Variants in UBE4B observed in about 807,000 individuals in gnomAD.
The protein encoded by UBE4B is ubiquitin conjugation factor E4 B.
Under a neutral mutation model 148.1 loss-of-function variants are expected in UBE4B, and 27 were observed. The observed-to-expected ratio is 0.18, with a 90% CI of 0.13 to 0.25. UBE4B has a LOEUF of 0.25. Among genes scored for constraint, UBE4B ranks in the 10% least tolerant of loss-of-function variants. The pLI is 1.00. For missense variants in UBE4B, 1,170 were observed against 1,662.4 expected (o/e 0.70, Z 5.15); for synonymous variants, 596 against 619.3 (o/e 0.96, Z 0.56).
intron 25 of UBE4B, among the ~76,000 whole-genome samples, chr1:10,173,928 G>A (rs796719704): frequency 4.7e-4 from 72 of 152,314 alleles, no homozygotes; most frequent in African/African-American, 1.6e-3. Flanking sequence ...GCATTGCCTG[G>A]TCATGCCTTA....
intron 15 of UBE4B, 40 bp from the exon 16 acceptor site, chr1:10,134,948 T>C: frequency 6.3e-7 from 1 of 1,592,686 alleles, no homozygotes; most frequent in Admixed American, 1.7e-5. Flanking sequence ...AAAAATTTTT[T>C]TTAATGTTTA....
intron 23 of UBE4B, among the ~76,000 whole-genome samples, chr1:10,167,887 C>T (rs745924672): frequency 6.6e-6 from 1 of 152,138 alleles, no homozygotes; most frequent in Non-Finnish European, 1.5e-5. Flanking sequence ...CCACGCCCGG[C>T]AGATGGTGAC....
At position 10,130,112 on chromosome 1, in the gene UBE4B, C is replaced by G. The variant is rs185266660; in HGVS notation, c.1696-388C>G. 2.4e-3 allele frequency among the ~76,000 whole-genome samples: 368 copies of G among 152,304 alleles called. 3 individuals are homozygous for G. The highest frequency in any genetic ancestry group is 8.4e-3 in the African/African-American group (350 of 41,566). On this transcript the variant is annotated intron_variant, in intron 12 of 27. Coordinates refer to ENST00000343090, the MANE Select transcript of UBE4B (RefSeq NM_001105562.3). ...TTTTTGAGACAGAGTCTCACTCTGTCACCCAGGCTGGAGCGCAGTGGCGCA... is the reference window on the plus strand; with the variant it reads ...TTTTTGAGACAGAGTCTCACTCTGTGACCCAGGCTGGAGCGCAGTGGCGCA...
chr1:10,164,738 C>T (rs1646221095), intron 23 of UBE4B, among the ~76,000 whole-genome samples: 1 of 152,170 alleles, frequency 6.6e-6, no homozygotes, highest in Non-Finnish European at 1.5e-5. Flanking sequence ...GCTGTTCCTG[C>T]TCATCTCCCT....
At chr1:10,060,379 CAGTG>C (rs1168119179) in intron 1 of UBE4B, among the ~76,000 whole-genome samples, 1 of 152,066 alleles carries the variant, frequency 6.6e-6, no homozygotes, top group African/African-American at 2.4e-5. Context: ...TGTACAATAA[CAGTG>C]AGTTTTTGTG....
intron 26 of UBE4B, chr1:10,179,133 GT>G: frequency 2.1e-6 from 1 of 485,138 alleles, no homozygotes; most frequent in Non-Finnish European, 3.6e-6. Context: ...CCAGCCTGCC[GT>G]CCTCGCCACG....
At chr1:10,108,938 C>G (rs1645167314) in intron 7 of UBE4B, among the ~76,000 whole-genome samples, 1 of 152,144 alleles carries the variant, frequency 6.6e-6, no homozygotes, top group Admixed American at 6.6e-5. Context: ...TTCTCTCTCC[C>G]TGGCCTATTT....
chr1:10,069,094 A>G (rs1002397345), intron 1 of UBE4B, among the ~76,000 whole-genome samples: 1 of 152,178 alleles, frequency 6.6e-6, no homozygotes, highest in African/African-American at 2.4e-5. Flanking sequence ...CTTCAACCGC[A>G]TATTATAGTG....
chr1:10,102,956 C>G lies in UBE4B; in HGVS notation c.444C>G (p.Ser148=). 6.2e-7 allele frequency: 1 copy of G among 1,604,886 alleles called. No individual in the cohort carries two copies. The highest frequency in any genetic ancestry group is 8.5e-7 in the Non-Finnish European group (1 of 1,173,706). Residue 148 remains serine, a synonymous_variant, in exon 5 of 28, where the codon TCC becomes TCG. Transcript: ENST00000343090. ...ATCTTCTTCTTCACCAGGAGCCTTC[C>G]TCGGGCCCTGAAGTGTCTGAAGAGC... ...EKRSLSDKEP[S]SGPEVSEEQA... is the part of the protein sequence containing the mutation.
intron 1 of UBE4B, among the ~76,000 whole-genome samples, chr1:10,035,336 G>A (rs919371553): frequency 7.2e-6 from 1 of 139,482 alleles, no homozygotes; most frequent in African/African-American, 2.7e-5. Flanking sequence ...TACCTCCCCC[G>A]TTTTTCATTA....
intron 7 of UBE4B, chr1:10,107,228 C>T (rs1451738234): frequency 2.2e-5 from 29 of 1,289,418 alleles, no homozygotes; most frequent in East Asian, 5.5e-5. Flanking sequence ...GTAGTATGTA[C>T]GACAATCCTT....
intron 7 of UBE4B, among the ~76,000 whole-genome samples, chr1:10,107,866 CTG>C (rs1645143736): frequency 1.3e-5 from 2 of 152,280 alleles, no homozygotes; most frequent in Middle Eastern, 3.4e-3. Context: ...GAGTGAGTCA[CTG>C]TGTCTGGCCC....
At chr1:10,104,111 A>G (rs1455959952) in intron 5 of UBE4B, among the ~76,000 whole-genome samples, 1 of 152,254 alleles carries the variant, frequency 6.6e-6, no homozygotes, top group Admixed American at 6.5e-5. Context: ...AGGGATCCTG[A>G]GAGAAGTGTT....
At position 10,171,298 on chromosome 1, in the gene UBE4B, C is replaced by T; in HGVS notation, c.3494C>T (p.Ala1165Val). ...GATATTTACTTACAGCTGGACTGTG[C>T]TCGGTTCGCGAAAGCCATTGCTGAC... The part of the protein sequence containing the change: ...LTDIYLQLDC[A>V]RFAKAIADDQ... The change falls in exon 25 of 28, where the codon GCT becomes GTT. Residue 1165 changes from alanine (A) to valine (V), a missense_variant. Ala to Val is a moderately conservative substitution (Grantham distance 64). This residue lies in a region of UBE4B where 348 missense variants were observed against 627.2 expected (regional missense o/e 0.55). Transcript: ENST00000343090. The T allele has an allele frequency of 6.2e-7, 1 of 1,613,950 alleles. No individual in the cohort carries two copies. The highest frequency in any genetic ancestry group is 1.1e-5 in the South Asian group (1 of 91,014).
intron 2 of UBE4B, among the ~76,000 whole-genome samples, chr1:10,094,630 T>C (rs1364935184): frequency 1.3e-5 from 2 of 151,690 alleles, no homozygotes; most frequent in African/African-American, 4.8e-5. Flanking sequence ...GAGACGGGGT[T>C]TCACCATGTT....
chr1:10,145,621 A>G (rs1645857519), intron 18 of UBE4B: 1 of 152,124 alleles, frequency 6.6e-6, no homozygotes, highest in South Asian at 2.1e-4. Context: ...GACAACAACA[A>G]CAAAAATCAC....
At chr1:10,057,790 G>T (rs1644204762) in intron 1 of UBE4B, among the ~76,000 whole-genome samples, 1 of 151,936 alleles carries the variant, frequency 6.6e-6, no homozygotes, top group South Asian at 2.1e-4. Flanking sequence ...ATTGCTAGAA[G>T]TTGGCCTTTG....
intron 8 of UBE4B, among the ~76,000 whole-genome samples, chr1:10,118,022 A>G (rs1411208815): frequency 2.0e-5 from 3 of 152,208 alleles, no homozygotes; most frequent in African/African-American, 4.8e-5. Flanking sequence ...AACCCGGTAT[A>G]ACATAGGCAT....
At chr1:10,178,980 T>A in intron 26 of UBE4B, 162 bp downstream of exon 26, 1 of 743,474 alleles carries the variant, frequency 1.3e-6, no homozygotes, top group Non-Finnish European at 2.0e-6. Context: ...TAGCTCATAT[T>A]GTAAATTGAG....
Sources: gnomAD v4.1 joint callset for allele counts (sites outside exome capture counted in the v4.1 genomes callset) on GRCh38, gnomAD v4.1.1 for gene constraint, gnomAD v4.1.1 regional missense constraint, MANE v1.5 for transcripts, NCBI Gene and HGNC (gene_info 2026-07-23, HGNC 2026-07-21) for gene names.